JHY: variants seen among roughly 807,000 people sequenced by gnomAD.
JHY encodes the protein junctional cadherin complex regulator, also known as jhy protein homolog.
A neutral mutation model predicts 78.0 loss-of-function variants in JHY; 69 were observed. The ratio of observed to expected loss-of-function variants is 0.88; its 90% CI spans 0.73 to 1.08. JHY has a LOEUF of 1.08. Ranked by LOEUF, JHY falls within the 50% of genes least tolerant of loss-of-function variation. The pLI is 0.00. For missense variants in JHY, 944 were observed against 927.8 expected, an observed-to-expected ratio of 1.02 and a Z score of -0.23; for synonymous variants, 368 against 342.6, an observed-to-expected ratio of 1.07 and a Z score of -0.82.
intron 2 of JHY, among the ~76,000 whole-genome samples, chr11:122,891,436 A>G (rs1245112689): frequency 6.6e-6 from 1 of 152,126 alleles, no homozygotes; most frequent in Non-Finnish European, 1.5e-5. Flanking sequence ...GGGGATCTTC[A>G]CGTGATAATC....
chr11:122,944,496 A>G (rs1402888593), intron 5 of JHY, among the ~76,000 whole-genome samples: 2 of 152,202 alleles, frequency 1.3e-5, no homozygotes, highest in Non-Finnish European at 2.9e-5. Flanking sequence ...GTTTTAATCC[A>G]ATCACCTTTC....
intron 2 of JHY, among the ~76,000 whole-genome samples, chr11:122,890,984 G>A: frequency 6.6e-6 from 1 of 152,126 alleles, no homozygotes; most frequent in East Asian, 1.9e-4. Flanking sequence ...TTTCATTACT[G>A]GTCCCTTTCC....
intron 5 of JHY, among the ~76,000 whole-genome samples, chr11:122,943,040 A>C (rs1326087433): frequency 6.6e-6 from 1 of 151,850 alleles, no homozygotes; most frequent in Non-Finnish European, 1.5e-5. Context: ...ACACCCACCT[A>C]CTTTTTAAAA....
intron 2 of JHY, among the ~76,000 whole-genome samples, chr11:122,887,809 G>T (rs901195945): frequency 1.3e-5 from 2 of 152,118 alleles, no homozygotes; most frequent in Non-Finnish European, 2.9e-5. Flanking sequence ...AGCAAAAATA[G>T]ACTGAGTAGG....
At chr11:122,894,931 C>A (rs1862708570) in intron 2 of JHY, among the ~76,000 whole-genome samples, 1 of 152,124 alleles carries the variant, frequency 6.6e-6, no homozygotes, top group Non-Finnish European at 1.5e-5. Flanking sequence ...AGAATAAATG[C>A]CTGCATTAAA....
rs1018138401 is a variant in JHY, at chr11:122,896,055, T to C, written c.345-7870T>C. Among the ~76,000 whole-genome samples, 4 of 152,304 alleles carry C rather than the reference T, an allele frequency of 2.6e-5. No individual in the cohort carries two copies. The East Asian group carries it at 7.7e-4, about 29-fold the overall frequency. On this transcript the variant is annotated intron_variant, in intron 2 of 8. Coordinates refer to ENST00000227349, the MANE Select transcript of JHY (RefSeq NM_024806.4). ...TGGTGCAACGTAATTAAAACTCTTA[T>C]AAGAGCCACATCTTCAGGCTCTACC...
chr11:122,888,734 C>T (rs770932002), intron 2 of JHY, among the ~76,000 whole-genome samples: 4 of 152,080 alleles, frequency 2.6e-5, no homozygotes, highest in African/African-American at 9.7e-5. Context: ...CATACTCTTA[C>T]GTGAGTGTGC....
chr11:122,899,157 T>G (rs1862793518), intron 2 of JHY, among the ~76,000 whole-genome samples: 1 of 152,214 alleles, frequency 6.6e-6, no homozygotes, highest in Non-Finnish European at 1.5e-5. Context: ...TATCCCCTAC[T>G]AGGCTGTGTG....
At chr11:122,951,668 G>A (rs149164983) in intron 6 of JHY, among the ~76,000 whole-genome samples, 32 of 152,236 alleles carry the variant, frequency 2.1e-4, no homozygotes, top group African/African-American at 7.2e-4. Context: ...ACTTCCAGTC[G>A]GGGCACACTG....
intron 5 of JHY, among the ~76,000 whole-genome samples, chr11:122,938,986 C>T (rs1316393269): frequency 3.0e-5 from 4 of 133,864 alleles, no homozygotes; most frequent in African/African-American, 2.7e-5. Flanking sequence ...CCTGCTTCTT[C>T]TTTTTTTTTT....
intron 1 of JHY, 54 bp from the exon 2 acceptor site, chr11:122,885,707 G>A (rs556185752): frequency 1.6e-6 from 1 of 628,638 alleles, no homozygotes; most frequent in South Asian, 2.2e-5. Context: ...GATTAACGTT[G>A]ACAGTATTGA....
chr11:122,896,547 G>C (rs1342337920), intron 2 of JHY, among the ~76,000 whole-genome samples: 1 of 152,086 alleles, frequency 6.6e-6, no homozygotes, highest in African/African-American at 2.4e-5. Flanking sequence ...CCGTGCCTAA[G>C]TCGTGATTAA....
At chr11:122,915,777 G>C (rs1228391068) in intron 3 of JHY, among the ~76,000 whole-genome samples, 1 of 152,148 alleles carries the variant, frequency 6.6e-6, no homozygotes, top group Non-Finnish European at 1.5e-5. Flanking sequence ...GCCTCCCGAA[G>C]TGATGGGATT....
intron 2 of JHY, among the ~76,000 whole-genome samples, chr11:122,890,887 T>A: frequency 6.6e-6 from 1 of 152,162 alleles, no homozygotes; most frequent in East Asian, 1.9e-4. Context: ...TACACTGAAA[T>A]TAGGATAACC....
chr11:122,948,139 A>G (rs2135374293), intron 6 of JHY, among the ~76,000 whole-genome samples: 1 of 152,270 alleles, frequency 6.6e-6, no homozygotes, highest in Middle Eastern at 3.4e-3. Context: ...AGTTGAATTC[A>G]GTTTGTTATT....
intron 3 of JHY, among the ~76,000 whole-genome samples, chr11:122,910,235 G>A (rs939508514): frequency 6.6e-6 from 1 of 152,178 alleles, no homozygotes; most frequent in African/African-American, 2.4e-5. Context: ...AGGACTTTGG[G>A]AGGCCAAGGC....
intron 2 of JHY, among the ~76,000 whole-genome samples, chr11:122,899,874 G>A (rs1454746409): frequency 6.6e-6 from 1 of 152,236 alleles, no homozygotes; most frequent in Non-Finnish European, 1.5e-5. Context: ...GTGACAGATG[G>A]AGAACGTGAG....
chr11:122,927,677 T>G (rs1366932888), intron 4 of JHY, among the ~76,000 whole-genome samples: 5 of 152,146 alleles, frequency 3.3e-5, no homozygotes, highest in Admixed American at 6.5e-5. Flanking sequence ...CCTGCCATAT[T>G]GGGCCGTGTC....
At chr11:122,886,754 A>G (rs1337917844) in intron 2 of JHY, among the ~76,000 whole-genome samples, 1 of 152,070 alleles carries the variant, frequency 6.6e-6, no homozygotes, top group Non-Finnish European at 1.5e-5. Flanking sequence ...GACCCACTTA[A>G]TTCTTTTTTT....
Sources: allele counts gnomAD v4.1 joint callset (sites outside exome capture counted in the v4.1 genomes callset), GRCh38; gene constraint gnomAD v4.1.1; transcripts MANE v1.5; gene names NCBI Gene and HGNC (gene_info 2026-07-23, HGNC 2026-07-21).